The following PDE1A variants were observed in gnomAD, a reference collection of about 807,000 sequenced individuals.
PDE1A encodes phosphodiesterase 1A, also known as dual specificity calcium/calmodulin-dependent 3',5'-cyclic nucleotide phosphodiesterase 1A.
Under a neutral mutation model 61.7 loss-of-function variants are expected in PDE1A, and 35 were observed. That is an observed-to-expected ratio of 0.57 (90% CI 0.43 to 0.75). The LOEUF (loss-of-function observed/expected upper bound fraction) is 0.75, where lower values mean the gene tolerates loss of function less well. Ranked by LOEUF, PDE1A falls within the 30% of genes least tolerant of loss-of-function variation. The probability of loss-of-function intolerance (pLI) is 0.00; values close to 1 mark genes in which losing one functional copy is unlikely to be tolerated. For missense variants in PDE1A, 597 were observed against 630.6 expected (o/e 0.95, Z 0.57); for synonymous variants, 232 against 213.2 (o/e 1.09, Z -0.77).
chr2:182,321,580 G>A (rs1696695148), intron 1 of PDE1A, among the ~76,000 whole-genome samples: 1 of 152,104 alleles, frequency 6.6e-6, no homozygotes, highest in South Asian at 2.1e-4. Context: ...CCACAAAGAA[G>A]GGAGTCTATT....
chr2:182,238,831 ATTATAACCTTCTC>A (rs1272410502), intron 3 of PDE1A, among the ~76,000 whole-genome samples: 3 of 152,306 alleles, frequency 2.0e-5, no homozygotes, highest in Admixed American at 2.0e-4. Flanking sequence ...TATTTTATAT[ATTATAACCTTCTC>A]TTGAATGGAA....
At chr2:182,666,533 G>A in the PDE1A span, among the ~76,000 whole-genome samples, 8 of 151,810 alleles carry the variant, frequency 5.3e-5, no homozygotes, top group Admixed American at 3.9e-4. Context: ...GCTTGAACCC[G>A]GGAGGCAGAG....
chr2:182,263,622 C>A (rs773783145), intron 2 of PDE1A, among the ~76,000 whole-genome samples: 2 of 152,156 alleles, frequency 1.3e-5, no homozygotes, highest in Non-Finnish European at 2.9e-5. Flanking sequence ...CACTTTTATC[C>A]TTTTTGAGAA....
chr2:182,673,989 CATATATATATATATAT>C, the PDE1A span, among the ~76,000 whole-genome samples: 82,082 of 135,278 alleles, frequency 0.61, 24,585 homozygotes, highest in Middle Eastern at 0.73. Flanking sequence ...AATATAACTT[CATATATATATATATAT>C]ATATATATAT....
intron 1 of PDE1A, among the ~76,000 whole-genome samples, chr2:182,268,922 T>C (rs561227586): frequency 6.6e-6 from 1 of 152,196 alleles, no homozygotes; most frequent in Non-Finnish European, 1.5e-5. Context: ...GTTCCCCAAC[T>C]GGTCTCTCAG....
the PDE1A span, among the ~76,000 whole-genome samples, chr2:182,601,646 G>A: frequency 1.4e-4 from 21 of 152,212 alleles, no homozygotes; most frequent in Non-Finnish European, 2.6e-4. Context: ...TCAGAGACCT[G>A]CTGTGGGTAG....
chr2:182,710,053 C>T, the PDE1A span, among the ~76,000 whole-genome samples: 7 of 152,086 alleles, frequency 4.6e-5, no homozygotes, highest in South Asian at 2.1e-4. Flanking sequence ...CACACCACCA[C>T]GCCCAGTTAA....
chr2:182,329,963 T>A (rs1245215371), intron 1 of PDE1A, among the ~76,000 whole-genome samples: 1 of 152,232 alleles, frequency 6.6e-6, no homozygotes, highest in Admixed American at 6.5e-5. Flanking sequence ...GACTATTTAA[T>A]AAACATTAGT....
chr2:182,567,699 G>A, the PDE1A span, among the ~76,000 whole-genome samples: 1 of 151,518 alleles, frequency 6.6e-6, no homozygotes, highest in Non-Finnish European at 1.5e-5. Flanking sequence ...ATTCTTGGTT[G>A]AAATAAAATC....
upstream of PDE1A, among the ~76,000 whole-genome samples, chr2:182,525,531 G>A (rs1434226042): frequency 6.6e-6 from 1 of 152,206 alleles, no homozygotes; most frequent in East Asian, 1.9e-4. Context: ...TGGATCATGG[G>A]GGTGATTTCT....
intron 2 of PDE1A, among the ~76,000 whole-genome samples, chr2:182,511,990 C>T (rs1689828418): frequency 6.6e-6 from 1 of 152,200 alleles, no homozygotes; most frequent in South Asian, 2.1e-4. Flanking sequence ...CACTGCCCCA[C>T]CACCACCAGT....
chr2:182,692,563 A>C, the PDE1A span, among the ~76,000 whole-genome samples: 4 of 151,932 alleles, frequency 2.6e-5, no homozygotes, highest in African/African-American at 9.7e-5. Flanking sequence ...AGATATACCT[A>C]ATGTAAATTA....
chr2:182,372,666 G>T (rs182699115), intron 1 of PDE1A, among the ~76,000 whole-genome samples: 3 of 152,300 alleles, frequency 2.0e-5, no homozygotes, highest in Admixed American at 2.0e-4. Flanking sequence ...GTTTAAGAGG[G>T]TGCTATGCCA....
chr2:182,374,406 C>G (rs1012139686), intron 1 of PDE1A, among the ~76,000 whole-genome samples: 3 of 151,972 alleles, frequency 2.0e-5, no homozygotes, highest in African/African-American at 7.2e-5. Flanking sequence ...ATCTTTGTAA[C>G]CCCAGCACAA....
Position 182,491,179 on chromosome 2 carries a change from G to A in PDE1A, c.101+31097C>T, listed in dbSNP as rs1183799268. On this transcript the variant is annotated intron_variant, in intron 2 of 14. Coordinates refer to the PDE1A transcript ENST00000410103. ...AAATAGGGTGCACTTGCAGTTTGTG[G>A]TCATACGTTTAGGGTAACAGCAGTC... 3.3e-5 allele frequency among the ~76,000 whole-genome samples: 5 copies of A among 152,156 alleles called. No homozygotes were observed. The East Asian group carries it at 9.6e-4, about 29-fold the overall frequency.
chr2:182,699,866 G>A, the PDE1A span, among the ~76,000 whole-genome samples: 1 of 152,190 alleles, frequency 6.6e-6, no homozygotes, highest in Non-Finnish European at 1.5e-5. Context: ...AAGAAGACAA[G>A]AGGTCAACCA....
chr2:182,656,634 T>C, the PDE1A span, among the ~76,000 whole-genome samples: 1 of 152,234 alleles, frequency 6.6e-6, no homozygotes, highest in Non-Finnish European at 1.5e-5. Context: ...AATGAGTAGC[T>C]GTACCTAAAA....
intron 1 of PDE1A, among the ~76,000 whole-genome samples, chr2:182,267,570 G>C (rs952332110): frequency 6.6e-6 from 1 of 151,800 alleles, no homozygotes. Context: ...ATTAATGAGT[G>C]CACATTTCTA....
intron 11 of PDE1A, among the ~76,000 whole-genome samples, chr2:182,187,980 AG>A (rs1685369094): frequency 6.6e-6 from 1 of 150,500 alleles, no homozygotes; most frequent in Admixed American, 6.6e-5. Flanking sequence ...TCCTGACCCG[AG>A]ATCTACCTGC....
Sources: allele counts gnomAD v4.1 joint callset (sites outside exome capture counted in the v4.1 genomes callset), GRCh38; gene constraint gnomAD v4.1.1; transcripts MANE v1.5; gene names NCBI Gene and HGNC (gene_info 2026-07-23, HGNC 2026-07-21).